ACTN4: variants seen among roughly 807,000 people sequenced by gnomAD.
ACTN4 encodes the protein alpha-actinin-4.
ACTN4 carries 18 observed loss-of-function variants against 114.2 expected under a neutral mutation model. The ratio of observed to expected loss-of-function variants is 0.16; its 90% CI spans 0.11 to 0.23. The LOEUF is 0.23. Ranked by LOEUF, ACTN4 falls within the 10% of genes least tolerant of loss-of-function variation. The probability of loss-of-function intolerance (pLI) is 1.00; values close to 1 mark genes in which losing one functional copy is unlikely to be tolerated. For missense variants in ACTN4, 722 were observed against 1,262.9 expected (o/e 0.57, Z 6.49); for synonymous variants, 515 against 506.3 (o/e 1.02, Z -0.23).
intron 1 of ACTN4, among the ~76,000 whole-genome samples, chr19:38,671,884 A>G (rs899319126): frequency 2.6e-5 from 4 of 152,174 alleles, no homozygotes; most frequent in African/African-American, 4.8e-5. Flanking sequence ...TCCTGGCTCA[A>G]TTGTTTCTCA....
chr19:38,664,167 C>G (rs887866362), intron 1 of ACTN4, among the ~76,000 whole-genome samples: 2 of 152,168 alleles, frequency 1.3e-5, no homozygotes, highest in African/African-American at 4.8e-5. Flanking sequence ...GTGCTGCCTT[C>G]AGTTTATTCC....
Position 38,721,539 on chromosome 19 carries a change from G to A in ACTN4, c.1293G>A (p.Gly431=), listed in dbSNP as rs1228641855. The part of the protein sequence containing the change: ...KASIHEAWTD[G]KEAMLKHRDY... ...TAAGCGTCTCTCTGCTCCTACCAGG[G>A]AAGGAAGCCATGCTGAAGCACCGGG... Residue 431 remains glycine, a splice_region_variant and synonymous_variant, in exon 12 of 21, where the codon GGG becomes GGA. Coordinates refer to ENST00000252699, the MANE Select transcript of ACTN4 (RefSeq NM_004924.6). 2 of 1,613,866 alleles carry A rather than the reference G, an allele frequency of 1.2e-6. No individual in the cohort carries two copies. Among genetic ancestry groups the A allele is most frequent in the Non-Finnish European group, 1.7e-6 (2 of 1,180,028 alleles).
chr19:38,658,994 A>G (rs1460732005), intron 1 of ACTN4, among the ~76,000 whole-genome samples: 1 of 150,714 alleles, frequency 6.6e-6, no homozygotes, highest in Non-Finnish European at 1.5e-5. Context: ...CGGTTAGGGG[A>G]GGGCCTTCTT....
Position 38,724,702 on chromosome 19 carries a change from G to A in ACTN4, c.2010+137G>A, listed in dbSNP as rs1230771950. On this transcript the variant is annotated intron_variant, in intron 16 of 20. Coordinates refer to ENST00000252699, the MANE Select transcript of ACTN4 (RefSeq NM_004924.6). This position sits in a 1 kb window ranked among gnomAD's most constrained non-coding sequence, Gnocchi z 7.0. ...TCCCAATTCTCACCACCCAGGGGCCGTGATCACCCTGCGGGGTTAGGAGAG... is the reference window on the plus strand; with the variant it reads ...TCCCAATTCTCACCACCCAGGGGCCATGATCACCCTGCGGGGTTAGGAGAG... The A allele has an allele frequency of 7.1e-6, 10 of 1,416,846 alleles. No homozygotes were observed. In the East Asian group the frequency reaches 7.1e-5, roughly 10 times the overall value. The allele number at this position is 1,416,846 out of a possible 1,614,324, so 87.8% of individuals were successfully genotyped here.
At chr19:38,665,654 A>C (rs1299097443) in intron 1 of ACTN4, among the ~76,000 whole-genome samples, 1 of 152,186 alleles carries the variant, frequency 6.6e-6, no homozygotes, top group East Asian at 1.9e-4. Context: ...CAAGTGACTT[A>C]ACGCAGCCCT....
At chr19:38,690,358 G>A (rs777319860) in intron 1 of ACTN4, among the ~76,000 whole-genome samples, 3 of 152,212 alleles carry the variant, frequency 2.0e-5, no homozygotes, top group Non-Finnish European at 2.9e-5. Context: ...CTGATCCAGC[G>A]AGGCGCCCAT....
chr19:38,651,115 G>A (rs1976549424), intron 1 of ACTN4, among the ~76,000 whole-genome samples: 1 of 152,206 alleles, frequency 6.6e-6, no homozygotes, highest in Non-Finnish European at 1.5e-5. Context: ...GAGCCACTGG[G>A]CACGGGAAGA....
chr19:38,664,733 A>C (rs1168450795), intron 1 of ACTN4, among the ~76,000 whole-genome samples: 1 of 151,910 alleles, frequency 6.6e-6, no homozygotes, highest in African/African-American at 2.4e-5. Flanking sequence ...TTCCTTTTCC[A>C]CCTGGTTAAG....
In ACTN4 at chr19:38,730,925, G is replaced by A. The variant is rs1268787632; in HGVS notation, c.*1493G>A. 2 of 1,550,498 alleles carry A rather than the reference G, an allele frequency of 1.3e-6. No homozygotes were observed. Among genetic ancestry groups the A allele is most frequent in the Non-Finnish European group, 1.7e-6 (2 of 1,147,028 alleles). ...GTGGCTTGAGGCAGGGAGCTCGCAG[G>A]ACAGAGCCTGAGCCACCCTGTCCCT... On this transcript the variant is annotated 3_prime_UTR_variant, in exon 21 of 21. Coordinates refer to ENST00000252699, the MANE Select transcript of ACTN4 (RefSeq NM_004924.6).
intron 3 of ACTN4, among the ~76,000 whole-genome samples, chr19:38,702,798 C>T (rs1968325685): frequency 1.3e-5 from 2 of 152,214 alleles, no homozygotes; most frequent in Admixed American, 1.3e-4. Context: ...CACCCCCTTC[C>T]TCTGGGTGTG....
Position 38,687,386 on chromosome 19 carries a change from A to G in ACTN4, c.163-13214A>G, listed in dbSNP as rs569104681. Among the ~76,000 whole-genome samples, 3 of 152,240 alleles carry G rather than the reference A, an allele frequency of 2.0e-5. No individual in the cohort carries two copies. The South Asian group carries it at 6.2e-4, about 32-fold the overall frequency. ...AGACTCACTAGGTGGACTTTGTCAA[A>G]TGTCATTGCCCAGGGCCCACCTTGA... On this transcript the variant is annotated intron_variant, in intron 1 of 20. Transcript: ENST00000252699.
At chr19:38,714,652 G>A in intron 9 of ACTN4, 91 bp downstream of exon 9, 1 of 1,350,768 alleles carries the variant, frequency 7.4e-7, no homozygotes, top group South Asian at 1.2e-5. Context: ...AGGTGTGGCA[G>A]CGAGATGACC....
At chr19:38,702,614 A>G (rs565502235) in intron 3 of ACTN4, among the ~76,000 whole-genome samples, 1 of 152,058 alleles carries the variant, frequency 6.6e-6, no homozygotes, top group East Asian at 1.9e-4. Context: ...CACAGAATAG[A>G]TTTCCTGAGG....
At chr19:38,702,064 G>A (rs1968296288) in intron 3 of ACTN4, among the ~76,000 whole-genome samples, 1 of 152,184 alleles carries the variant, frequency 6.6e-6, no homozygotes, top group Non-Finnish European at 1.5e-5. Flanking sequence ...CAAAAATTCA[G>A]TCAGGCCCTG....
chr19:38,716,081 T>C (rs1004211348), intron 9 of ACTN4, among the ~76,000 whole-genome samples: 1 of 152,108 alleles, frequency 6.6e-6, no homozygotes, highest in African/African-American at 2.4e-5. Context: ...TTTGTATTTT[T>C]TTTAGTAGAG....
At chr19:38,693,169 G>T (rs1435228169) in intron 1 of ACTN4, among the ~76,000 whole-genome samples, 1 of 152,154 alleles carries the variant, frequency 6.6e-6, no homozygotes, top group Non-Finnish European at 1.5e-5. Flanking sequence ...CAAGCGTGGG[G>T]TCCGTGGAAT....
At position 38,717,947 on chromosome 19, in the gene ACTN4, G is replaced by A. The variant is rs1202115540; in HGVS notation, c.1164G>A (p.Gln388=). 2 of 1,604,492 alleles carry A rather than the reference G, an allele frequency of 1.2e-6. No individual in the cohort carries two copies. Among genetic ancestry groups the A allele is most frequent in the Middle Eastern group, 1.7e-4 (1 of 6,024 alleles). Residue 388 remains glutamine, a synonymous_variant, in exon 11 of 21, where the codon CAG becomes CAA. Coordinates refer to ENST00000252699, the MANE Select transcript of ACTN4 (RefSeq NM_004924.6). The surrounding 1 kb of genome is among the most constrained non-coding windows in gnomAD (Gnocchi z 4.0). The stretch of plus-strand genomic sequence containing the variant: ...CCCAGGACATCAACAATGGCTGGCA[G>A]CACTTGGAGCAGGCTGAGAAGGGCT... ...KMVSDINNGW[Q]HLEQAEKGYE... is the part of the protein sequence containing the mutation.
Position 38,723,693 on chromosome 19 carries a change from C to T in ACTN4, c.1522C>T (p.Leu508=), listed in dbSNP as rs754468966. The T allele has an allele frequency of 5.6e-6, 9 of 1,612,850 alleles. No homozygotes were observed. The highest frequency in any genetic ancestry group is 7.6e-6 in the Non-Finnish European group (9 of 1,179,504). Residue 508 remains leucine (L), a synonymous_variant, in exon 13 of 21, where the codon CTG becomes TTG. Transcript: ENST00000252699. ...TGACCAGTGGGACGCCCTCGGCTCT[C>T]TGACACATAGTCGCAGGGAAGCCCT... is the stretch of plus-strand genomic sequence containing the variant. ...ICDQWDALGS[L]THSRREALEK...
Position 38,673,456 on chromosome 19 carries a change from CATATATATTT to C in ACTN4, c.162+25568_162+25577del, listed in dbSNP as rs1398437848. Reference sequence around the variant, plus strand: ...GTTTTATTTTTTATATATATATATTCATATATATTTATATATATTTATATATATATTCATA... The same window carrying C: ...GTTTTATTTTTTATATATATATATTCATATATATTTATATATATATTCATA... On this transcript the variant is annotated intron_variant, in intron 1 of 20. Transcript: ENST00000252699. 6.7e-4 allele frequency among the ~76,000 whole-genome samples: 48 copies of C among 71,772 alleles called. 1 individual carries two copies. The highest frequency in any genetic ancestry group is 1.9e-3 in the African/African-American group (40 of 20,626). The allele number at this position is 71,772 out of a possible 152,430, so 47.1% of individuals were successfully genotyped here.
Sources: gnomAD v4.1 joint callset for allele counts (sites outside exome capture counted in the v4.1 genomes callset) on GRCh38, gnomAD v4.1.1 for gene constraint, Gnocchi (gnomAD v3.1) non-coding constraint, MANE v1.5 for transcripts, NCBI Gene and HGNC (gene_info 2026-07-23, HGNC 2026-07-21) for gene names.